IGSF9B: variants seen among roughly 807,000 people sequenced by gnomAD.
IGSF9B encodes the protein protein turtle homolog B.
Under a neutral mutation model 143.7 loss-of-function variants are expected in IGSF9B, and 48 were observed. The observed-to-expected ratio is 0.33, with a 90% CI of 0.26 to 0.42. The LOEUF (loss-of-function observed/expected upper bound fraction) is 0.42, where lower values mean the gene tolerates loss of function less well. Ranked by LOEUF, IGSF9B falls within the 20% of genes least tolerant of loss-of-function variation. The pLI, the probability that IGSF9B is intolerant of heterozygous loss-of-function variation, is 1.00. For missense variants in IGSF9B, 1,706 were observed against 1,980.0 expected (o/e 0.86, Z 2.63); for synonymous variants, 903 against 833.1 (o/e 1.08, Z -1.44).
intron 19 of IGSF9B, among the ~76,000 whole-genome samples, chr11:133,910,259 G>A (rs1404893660): frequency 2.6e-5 from 4 of 152,350 alleles, no homozygotes; most frequent in South Asian, 2.1e-4. Flanking sequence ...ATGCCGCTAC[G>A]TGTCCTGCAG....
At chr11:133,927,118 G>C (rs1454831210) in intron 12 of IGSF9B, 27 bp from the exon 13 acceptor site, 2 of 1,528,588 alleles carry the variant, frequency 1.3e-6, no homozygotes, top group Non-Finnish European at 1.8e-6. Flanking sequence ...GACAGGATAG[G>C]GGACGAGGGG....
intron 1 of IGSF9B, among the ~76,000 whole-genome samples, chr11:133,947,708 T>TTCTCTCCTC (rs1555098682): frequency 3.0e-5 from 4 of 134,800 alleles, no homozygotes; most frequent in Non-Finnish European, 6.4e-5. Flanking sequence ...TCTGTGTTTG[T>TTCTCTCCTC]TCTCTCTCTC....
chr11:133,944,182 G>T (rs771413547), intron 3 of IGSF9B, 38 bp downstream of exon 3: 2 of 1,561,072 alleles, frequency 1.3e-6, no homozygotes, highest in African/African-American at 2.7e-5. Context: ...AGGCACCGTT[G>T]ATGGTGAGGT....
At chr11:133,938,055 G>C (rs1309179654) in intron 3 of IGSF9B, 94 bp from the exon 4 acceptor site, 35 of 1,368,554 alleles carry the variant, frequency 2.6e-5, no homozygotes, top group Admixed American at 6.1e-5. Context: ...CCTCGCTGCG[G>C]CTCTGCGGAA....
rs929523594 is a variant in IGSF9B, at chr11:133,900,028, C to T, written c.*9041G>A. 1.3e-5 allele frequency: 2 copies of T among 152,156 alleles called. No homozygotes were observed. Among genetic ancestry groups the T allele is most frequent in the African/African-American group, 4.8e-5 (2 of 41,312 alleles). 9.4% of individuals were successfully genotyped at this position (152,156 alleles called of 1,614,324 possible). A position where few individuals can be genotyped will look rare whatever the true frequency, so the allele number is the denominator to read the frequency against. ...GTTCTCAGCAGTTAATTTGAGGACC[C>T]AAGGACAGTGCCTGACTGAATGGCA... On this transcript the variant is annotated 3_prime_UTR_variant, in exon 20 of 20. Coordinates refer to ENST00000533871, the MANE Select transcript of IGSF9B (RefSeq NM_001277285.4).
In IGSF9B at chr11:133,920,744, G is replaced by C; in HGVS notation, c.2981C>G (p.Ser994Cys). 1 of 1,612,956 alleles carries C rather than the reference G, an allele frequency of 6.2e-7. No individual in the cohort carries two copies. The change falls in exon 18 of 20, where the codon TCC becomes TGC. Residue 994 changes from serine to cysteine, a missense_variant. Around this residue, in one of 7 missense-constraint regions of IGSF9B, gnomAD observed 880 missense variants for 762.9 expected, o/e 1.15. Transcript: ENST00000533871. ...YVPEVGSPLS[S>C]VMSSPPLPTE... The stretch of plus-strand genomic sequence containing the variant: ...GGGCAGGGGCGGGGACGACATGACG[G>C]AGCTCAGGGGGCTGCCCACTTCTGG...
At position 133,899,497 on chromosome 11, in the gene IGSF9B, T is replaced by A. The variant is rs1939081826; in HGVS notation, c.*9572A>T. 6.6e-6 allele frequency: 1 copy of A among 152,334 alleles called. No homozygotes were observed. Among genetic ancestry groups the A allele is most frequent in the Admixed American group, 6.5e-5 (1 of 15,280 alleles). The allele number at this position is 152,334 out of a possible 1,614,324, so 9.4% of individuals were successfully genotyped here. A position where few individuals can be genotyped will look rare whatever the true frequency, so the allele number is the denominator to read the frequency against. On this transcript the variant is annotated 3_prime_UTR_variant, in exon 20 of 20. Transcript: ENST00000533871. ...TTTCAAGGTAGGGGCTATGGCCCCA[T>A]CTTCCCTTTCCCTCCCCAAAATGAA...
chr11:133,919,132 G>GGGGGC, intron 18 of IGSF9B: 1 of 377,752 alleles, frequency 2.6e-6, no homozygotes, highest in South Asian at 1.8e-5. Flanking sequence ...GGGGGGGTGG[G>GGGGGC]GGACGTGTCC....
intron 7 of IGSF9B, among the ~76,000 whole-genome samples, chr11:133,933,204 G>A (rs922099822): frequency 2.0e-5 from 3 of 152,284 alleles, no homozygotes; most frequent in Non-Finnish European, 2.9e-5. Context: ...CGTTGAACGA[G>A]GTCCTCTCAA....
chr11:133,949,728 C>T (rs1246129178), intron 1 of IGSF9B, among the ~76,000 whole-genome samples: 5 of 150,682 alleles, frequency 3.3e-5, no homozygotes, highest in South Asian at 2.1e-4. Flanking sequence ...GAGGGGCTGG[C>T]TCCTGAAGGG....
chr11:133,920,654 G>C lies in IGSF9B; in HGVS notation c.3071C>G (p.Thr1024Arg), dbSNP rs762381409. Reference protein sequence around the residue: ...EENGENASNSTLPLTQTPTGG... With the variant: ...EENGENASNSRLPLTQTPTGG... The stretch of plus-strand genomic sequence containing the variant: ...TGTAGGTGTCTGAGTCAAGGGCAGC[G>C]TGCTGTTGGATGCATTCTCTCCATT... The change falls in exon 18 of 20, where the codon ACG (threonine) becomes AGG (arginine). Residue 1024 changes from threonine to arginine, a missense_variant. Physicochemically the swap from Thr to Arg is moderately conservative, Grantham distance 71 (BLOSUM62 -1). Around this residue, in one of 7 missense-constraint regions of IGSF9B, gnomAD observed 880 missense variants for 762.9 expected, o/e 1.15. Coordinates refer to ENST00000533871, the MANE Select transcript of IGSF9B (RefSeq NM_001277285.4). 2 of 1,613,404 alleles carry C rather than the reference G, an allele frequency of 1.2e-6. No homozygotes were observed.
At chr11:133,919,719 G>T in intron 18 of IGSF9B, 23 bp downstream of exon 18, 11 of 1,352,142 alleles carry the variant, frequency 8.1e-6, no homozygotes, top group African/African-American at 1.5e-5. Context: ...AGGTGCGGGT[G>T]GCGGAAGAGG....
intron 11 of IGSF9B, among the ~76,000 whole-genome samples, chr11:133,930,516 A>T (rs564351311): frequency 1.3e-5 from 2 of 152,328 alleles, no homozygotes; most frequent in South Asian, 4.1e-4. Flanking sequence ...CGCTTCGGGC[A>T]ATCGGAAACG....
chr11:133,912,981 G>C (rs1939324435), intron 18 of IGSF9B, among the ~76,000 whole-genome samples: 1 of 152,146 alleles, frequency 6.6e-6, no homozygotes, highest in Non-Finnish European at 1.5e-5. Flanking sequence ...ATATTGGAGA[G>C]AATCTTTCAA....
chr11:133,903,535 C>G lies in IGSF9B; in HGVS notation c.*5534G>C, dbSNP rs1031650175. ...AACCAAGATACCCAGACTCTTCCTT[C>G]TCTAAGATGTGAGCAGCCATTAATG... On this transcript the variant is annotated 3_prime_UTR_variant, in exon 20 of 20. Transcript: ENST00000533871. Among the ~76,000 whole-genome samples, 18 of 152,204 alleles carry G rather than the reference C, an allele frequency of 1.2e-4. No individual in the cohort carries two copies. The highest frequency in any genetic ancestry group is 4.3e-4 in the African/African-American group (18 of 41,452).
rs537311681 is a variant in IGSF9B, at chr11:133,913,985, C to T, written c.3984-1978G>A. Among the ~76,000 whole-genome samples the T allele has an allele frequency of 1.3e-4, 20 of 152,234 alleles. No individual in the cohort carries two copies. The South Asian group carries it at 4.0e-3, about 30-fold the overall frequency. ...GAGTGCTCTCCAATGTCATCCAGGG[C>T]GACCGCTGGGGCACGAGAGAAACCG... is the stretch of plus-strand genomic sequence containing the variant. On this transcript the variant is annotated intron_variant, in intron 18 of 19. Transcript: ENST00000533871. This position sits in a 1 kb window ranked among gnomAD's most constrained non-coding sequence, Gnocchi z 4.6.
chr11:133,929,988 G>C (rs1939694372), intron 11 of IGSF9B, among the ~76,000 whole-genome samples: 1 of 152,168 alleles, frequency 6.6e-6, no homozygotes, highest in Non-Finnish European at 1.5e-5. Flanking sequence ...CAGGAAGCCT[G>C]TCCCACTGTG....
Position 133,903,672 on chromosome 11 carries a change from G to T in IGSF9B, c.*5397C>A, listed in dbSNP as rs534273767. ...GAGTGTTTTTCTAACAGCTTAAAAT[G>T]AGGTTGAAAAAAACTTCCACCTTCT... On this transcript the variant is annotated 3_prime_UTR_variant, in exon 20 of 20. Coordinates refer to ENST00000533871, the MANE Select transcript of IGSF9B (RefSeq NM_001277285.4). 2.4e-4 allele frequency among the ~76,000 whole-genome samples: 37 copies of T among 152,280 alleles called. No homozygotes were observed. The highest frequency in any genetic ancestry group is 4.3e-4 in the Non-Finnish European group (29 of 68,022).
chr11:133,954,579 C>T (rs1940217533), intron 1 of IGSF9B, among the ~76,000 whole-genome samples: 1 of 152,150 alleles, frequency 6.6e-6, no homozygotes, highest in African/African-American at 2.4e-5. Flanking sequence ...TGTTTTGTTT[C>T]CTTATAACAC....
Sources: gnomAD v4.1 joint callset for allele counts (sites outside exome capture counted in the v4.1 genomes callset) on GRCh38, gnomAD v4.1.1 for gene constraint, gnomAD v4.1.1 regional missense constraint, Gnocchi (gnomAD v3.1) non-coding constraint, MANE v1.5 for transcripts, NCBI Gene and HGNC (gene_info 2026-07-23, HGNC 2026-07-21) for gene names.